The following ABCA9 variants were observed in gnomAD, a reference collection of about 807,000 sequenced individuals.
ABCA9 encodes ATP binding cassette subfamily A member 9, also known as ATP-binding cassette sub-family A member 9.
ABCA9 carries 183 observed loss-of-function variants against 205.3 expected under a neutral mutation model. The ratio of observed to expected loss-of-function variants is 0.89; its 90% CI spans 0.79 to 1.01. The LOEUF is 1.01. Ranked by LOEUF, ABCA9 falls within the 50% of genes least tolerant of loss-of-function variation. ABCA9 has a pLI of 0.00. For synonymous variants in ABCA9, 651 were observed against 683.3 expected (o/e 0.95, Z 0.74); for missense variants, 1,805 against 1,912.4 (o/e 0.94, Z 1.05).
the ABCA9 span, among the ~76,000 whole-genome samples, chr17:69,066,837 T>G: frequency 0.013 from 1,904 of 152,282 alleles, 16 homozygotes; most frequent in Middle Eastern, 0.031. Context: ...CTTAGACATG[T>G]CAGGAACTCA....
intron 23 of ABCA9, among the ~76,000 whole-genome samples, chr17:69,011,456 CT>C (rs1157876316): frequency 6.6e-6 from 1 of 152,110 alleles, no homozygotes; most frequent in Non-Finnish European, 1.5e-5. Context: ...AAAACATGTC[CT>C]GAGCATCAGT....
chr17:69,016,240 T>A lies in ABCA9; in HGVS notation c.3039+13A>T. The stretch of plus-strand genomic sequence containing the variant: ...ATCATGGCACAGTATAAATGAGATA[T>A]AATTATACTTACTTCAAAAAATGTG... On this transcript the variant is annotated intron_variant, in intron 22 of 38. Transcript: ENST00000340001. 6.4e-7 allele frequency: 1 copy of A among 1,559,804 alleles called. No homozygotes were observed. Among genetic ancestry groups the A allele is most frequent in the East Asian group, 2.3e-5 (1 of 42,886 alleles).
intron 25 of ABCA9, among the ~76,000 whole-genome samples, chr17:69,007,426 A>G (rs759824467): frequency 1.8e-4 from 28 of 152,270 alleles, no homozygotes; most frequent in South Asian, 8.3e-4. Flanking sequence ...AAAAGAAATG[A>G]TGAAGAATAA....
chr17:69,043,761 C>T lies in ABCA9; in HGVS notation c.574-46G>A, dbSNP rs76824255. ...ACAAATTGTTATCATCAATCTAATT[C>T]CAACCTTAGGCTTTTTCTCTAAATT... On this transcript the variant is annotated intron_variant, in intron 5 of 38. Coordinates refer to ENST00000340001, the MANE Select transcript of ABCA9 (RefSeq NM_080283.4). The T allele has an allele frequency of 6.1e-3, 8,898 of 1,454,178 alleles. 31 individuals carry two copies. Among genetic ancestry groups the T allele is most frequent in the Middle Eastern group, 8.5e-3 (47 of 5,536 alleles). 90.1% of individuals were successfully genotyped at this position (1,454,178 alleles called of 1,614,324 possible).
chr17:69,035,833 G>A (rs1388320614), intron 6 of ABCA9, 32 bp from the exon 7 acceptor site: 5 of 1,590,116 alleles, frequency 3.1e-6, no homozygotes, highest in Non-Finnish European at 3.4e-6. Context: ...CAGTTAGAAT[G>A]TTGTTACTTC....
intron 37 of ABCA9, among the ~76,000 whole-genome samples, chr17:68,977,955 G>A (rs568975728): frequency 1.3e-5 from 2 of 152,188 alleles, no homozygotes; most frequent in Non-Finnish European, 2.9e-5. Context: ...TGTTGATTTG[G>A]GGTGGAGAGT....
chr17:68,991,898 A>G (rs1000223047), intron 28 of ABCA9, among the ~76,000 whole-genome samples: 5 of 152,072 alleles, frequency 3.3e-5, no homozygotes, highest in Non-Finnish European at 1.5e-5. Flanking sequence ...TTTACCCATT[A>G]TTTTAGAGAT....
At chr17:69,064,654 T>C (rs140522444), upstream of ABCA9, among the ~76,000 whole-genome samples, 1 of 152,298 alleles carries the variant, frequency 6.6e-6, no homozygotes, top group East Asian at 1.9e-4. Flanking sequence ...GGAAATAACA[T>C]ATGTAAAGTA....
At position 69,021,829 on chromosome 17, in the gene ABCA9, G is replaced by A. The variant is rs1272950105; in HGVS notation, c.2314C>T (p.Gln772Ter). ...LYRDLDRCSN[Q>*]GIEDYGVSIT... Reference sequence around the variant, plus strand: ...GAAACACCATAATCCTCAATGCCTTGGTTAGAACATCTATCAAGATCCCTG... The same window carrying A: ...GAAACACCATAATCCTCAATGCCTTAGTTAGAACATCTATCAAGATCCCTG... The change falls in exon 18 of 39, where the codon CAA (glutamine) becomes TAA (stop). Residue 772 changes from glutamine to a stop codon, truncating the protein, a stop_gained. Transcript: ENST00000340001. LOFTEE classifies it high-confidence loss of function. 6 of 1,578,418 alleles carry A rather than the reference G, an allele frequency of 3.8e-6. No homozygotes were observed. Among genetic ancestry groups the A allele is most frequent in the Non-Finnish European group, 5.2e-6 (6 of 1,158,942 alleles).
At position 68,990,718 on chromosome 17, in the gene ABCA9, A is replaced by G. The variant is rs984749455; in HGVS notation, c.3837+119T>C. 65 of 1,229,728 alleles carry G rather than the reference A, an allele frequency of 5.3e-5. 2 individuals are homozygous for G. The highest frequency in any genetic ancestry group is 2.9e-4 in the South Asian group (21 of 71,608). 76.2% of individuals were successfully genotyped at this position (1,229,728 alleles called of 1,614,324 possible). A position where few individuals can be genotyped will look rare whatever the true frequency, so the allele number is the denominator to read the frequency against. On this transcript the variant is annotated intron_variant, in intron 29 of 38. Transcript: ENST00000340001. Reference sequence around the variant, plus strand: ...TGCATACCTGCTGAAGTCAAGTAATAAGCTGTATGTGTAAGAATGAAAGAA... The same window carrying G: ...TGCATACCTGCTGAAGTCAAGTAATGAGCTGTATGTGTAAGAATGAAAGAA...
At chr17:69,005,906 A>G (rs1007380493) in intron 25 of ABCA9, among the ~76,000 whole-genome samples, 4 of 152,188 alleles carry the variant, frequency 2.6e-5, no homozygotes, top group Non-Finnish European at 5.9e-5. Flanking sequence ...GCATTTTGTC[A>G]ACATATTTCT....
rs577763186 is a variant in ABCA9, at chr17:69,014,450, A to C, written c.3039+1803T>G. On this transcript the variant is annotated intron_variant, in intron 22 of 38. Transcript: ENST00000340001. Reference sequence around the variant, plus strand: ...ATTCCAAAATCTGAAAAAATCGAGAATCCGAAACACTTCTGGTCCCAAACG... The same window carrying C: ...ATTCCAAAATCTGAAAAAATCGAGACTCCGAAACACTTCTGGTCCCAAACG... Among the ~76,000 whole-genome samples, 240 of 152,198 alleles carry C rather than the reference A, an allele frequency of 1.6e-3. 1 individual carries two copies. Among genetic ancestry groups the C allele is most frequent in the Non-Finnish European group, 2.7e-3 (184 of 68,026 alleles).
chr17:69,033,981 T>A (rs1209690936), intron 8 of ABCA9, 108 bp from the exon 9 acceptor site: 12 of 905,130 alleles, frequency 1.3e-5, no homozygotes, highest in Non-Finnish European at 1.9e-5. Context: ...TAAGATATAA[T>A]CTTGTCTCTA....
chr17:68,977,118 G>A (rs887241479), intron 37 of ABCA9, among the ~76,000 whole-genome samples: 2 of 152,138 alleles, frequency 1.3e-5, no homozygotes, highest in Non-Finnish European at 2.9e-5. Flanking sequence ...GTTTCTCATG[G>A]ATTTCAAAGG....
chr17:68,984,058 C>T lies in ABCA9; in HGVS notation c.4497G>A (p.Leu1499=), dbSNP rs1323551503. 1.9e-6 allele frequency: 3 copies of T among 1,614,032 alleles called. No individual in the cohort carries two copies. Among genetic ancestry groups the T allele is most frequent in the Non-Finnish European group, 2.5e-6 (3 of 1,180,030 alleles). The change falls in exon 35 of 39, where the codon CTG becomes CTA. Residue 1499 remains leucine, a splice_region_variant and synonymous_variant. Coordinates refer to ENST00000340001, the MANE Select transcript of ABCA9 (RefSeq NM_080283.4). ...CGCCGGCTTGGACAGGCACTCACCTCAGCCTTCCTGACACCATGATGGCCA... is the reference window on the plus strand; with the variant it reads ...CGCCGGCTTGGACAGGCACTCACCTTAGCCTTCCTGACACCATGATGGCCA... ...DRVAIMVSGR[L]RCIGSIQHLK...
Position 68,992,787 on chromosome 17 carries a change from T to A in ABCA9, c.3624+229A>T, listed in dbSNP as rs546363335. 36 of 378,916 alleles carry A rather than the reference T, an allele frequency of 9.5e-5. 1 individual carries two copies. The South Asian group carries it at 1.2e-3, about 12-fold the overall frequency. 23.5% of individuals were successfully genotyped at this position (378,916 alleles called of 1,614,324 possible). A position where few individuals can be genotyped will look rare whatever the true frequency, so the allele number is the denominator to read the frequency against. ...GAGATAGCGCCATTGCACTCCAGTCTGGGCAACAAGAGTGAAACTCTGTCT... is the reference window on the plus strand; with the variant it reads ...GAGATAGCGCCATTGCACTCCAGTCAGGGCAACAAGAGTGAAACTCTGTCT... On this transcript the variant is annotated intron_variant, in intron 27 of 38. Transcript: ENST00000340001.
At chr17:68,994,100 T>G (rs2069541545) in intron 26 of ABCA9, among the ~76,000 whole-genome samples, 1 of 152,200 alleles carries the variant, frequency 6.6e-6, no homozygotes. Context: ...GGTCTCGAAC[T>G]CCAGACCTCA....
In ABCA9 at chr17:69,021,780, AAC is replaced by A. The variant is rs747214799; in HGVS notation, c.2361_2362del (p.Phe788SerfsTer10). The A allele has an allele frequency of 6.3e-7, 1 of 1,594,728 alleles. No homozygotes were observed. Among genetic ancestry groups the A allele is most frequent in the Admixed American group, 1.7e-5 (1 of 58,450 alleles). On this transcript the variant is annotated frameshift_variant, in exon 18 of 39. Transcript: ENST00000340001. LOFTEE classifies it high-confidence loss of function. ...AGTTGATTTTCCTTCTAATTTCAGA[AAC>A]ACCTCATTCAAAGTTGTTATGGAAA...
chr17:69,078,207 G>GTT, the ABCA9 span, among the ~76,000 whole-genome samples: 27 of 56,660 alleles, frequency 4.8e-4, no homozygotes, highest in Non-Finnish European at 1.3e-3. Flanking sequence ...TTTTGTTTTT[G>GTT]TTGTTTTTTT....
Sources: gnomAD v4.1 joint callset for allele counts (sites outside exome capture counted in the v4.1 genomes callset) on GRCh38, gnomAD v4.1.1 for gene constraint, MANE v1.5 for transcripts, NCBI Gene and HGNC (gene_info 2026-07-23, HGNC 2026-07-21) for gene names.